The following ATP9A variants were observed in gnomAD, a reference collection of about 807,000 sequenced individuals.
ATP9A encodes probable phospholipid-transporting ATPase IIA.
Under a neutral mutation model 144.1 loss-of-function variants are expected in ATP9A, and 52 were observed. The ratio of observed to expected loss-of-function variants is 0.36; its 90% CI spans 0.29 to 0.45. ATP9A has a LOEUF of 0.45. ATP9A is among the 20% of genes least tolerant of loss of function. ATP9A has a pLI of 1.00. For synonymous variants in ATP9A, 582 were observed against 557.4 expected (o/e 1.04, Z -0.62); for missense variants, 947 against 1,392.7 (o/e 0.68, Z 5.09).
chr20:51,686,471 A>C (rs1163199092), intron 9 of ATP9A, among the ~76,000 whole-genome samples: 1 of 152,178 alleles, frequency 6.6e-6, no homozygotes, highest in East Asian at 1.9e-4. Flanking sequence ...AAAAACTGCA[A>C]AAATATGTAT....
chr20:51,658,898 G>GGGGGC (rs2077399861), intron 13 of ATP9A, among the ~76,000 whole-genome samples: 1 of 133,570 alleles, frequency 7.5e-6, no homozygotes, highest in Non-Finnish European at 1.6e-5. Flanking sequence ...CGGGGGGGGG[G>GGGGGC]GGGGGAAGGC....
chr20:51,713,189 G>T, intron 3 of ATP9A, 115 bp from the exon 4 acceptor site: 1 of 860,980 alleles, frequency 1.2e-6, no homozygotes, highest in Non-Finnish European at 1.9e-6. Flanking sequence ...GAGGGCAGGG[G>T]GGCAGGACCT....
At position 51,604,847 on chromosome 20, in the gene ATP9A, C is replaced by T. The variant is rs754872076; in HGVS notation, c.2977G>A (p.Ala993Thr). Residue 993 changes from alanine to threonine, a missense_variant, in exon 27 of 28, where the codon GCC becomes ACC. Physicochemically the swap from Ala to Thr is moderately conservative, Grantham distance 58 (BLOSUM62 0). This residue lies in a region of ATP9A where 177 missense variants were observed against 344.9 expected (regional missense o/e 0.51). Transcript: ENST00000338821. ...AACTCGTGTAAGAACACCAGGGAGG[C>T]GATGTAGCAGGCCAGGCTGAGCAGC... ...AELLSLACYI[A>T]SLVFLHEFID... 2 of 1,544,230 alleles carry T rather than the reference C, an allele frequency of 1.3e-6. No individual in the cohort carries two copies. Among genetic ancestry groups the T allele is most frequent in the Non-Finnish European group, 1.7e-6 (2 of 1,143,330 alleles).
At chr20:51,623,522 T>C (rs1252855134) in intron 18 of ATP9A, among the ~76,000 whole-genome samples, 1 of 152,122 alleles carries the variant, frequency 6.6e-6, no homozygotes, top group Admixed American at 6.5e-5. Flanking sequence ...GGCTTACGCC[T>C]ATAATCCCAA....
chr20:51,713,184 CA>C, intron 3 of ATP9A, 110 bp from the exon 4 acceptor site: 1 of 882,324 alleles, frequency 1.1e-6, no homozygotes, highest in South Asian at 1.4e-5. Flanking sequence ...CTTGGGAGGG[CA>C]GGGGGGCAGG....
intron 1 of ATP9A, among the ~76,000 whole-genome samples, chr20:51,763,344 G>A (rs918040591): frequency 5.6e-5 from 8 of 143,962 alleles, no homozygotes; most frequent in Admixed American, 1.4e-4. Flanking sequence ...ATGGAGTCTC[G>A]CTGTGTCGCC....
chr20:51,705,797 C>A (rs773241437), intron 4 of ATP9A, among the ~76,000 whole-genome samples: 2 of 152,172 alleles, frequency 1.3e-5, no homozygotes, highest in Non-Finnish European at 2.9e-5. Flanking sequence ...AATTCCTTCA[C>A]TAATTATTCT....
chr20:51,656,471 C>T (rs1337535997), intron 14 of ATP9A, among the ~76,000 whole-genome samples: 6 of 151,878 alleles, frequency 4.0e-5, no homozygotes, highest in African/African-American at 1.5e-4. Flanking sequence ...GAGAATCGCT[C>T]GAACCCCAGA....
chr20:51,605,095 CTTTCCGCAGT>C (rs1955890622), intron 26 of ATP9A, 75 bp from the exon 27 acceptor site: 1 of 1,322,756 alleles, frequency 7.6e-7, no homozygotes, highest in Admixed American at 3.0e-5. Flanking sequence ...CACCTGGCTC[CTTTCCGCAGT>C]TTTCATTTAG....
chr20:51,734,164 T>G (rs1234474820), intron 1 of ATP9A, among the ~76,000 whole-genome samples: 1 of 151,806 alleles, frequency 6.6e-6, no homozygotes, highest in African/African-American at 2.4e-5. Flanking sequence ...ATTTTTTTTT[T>G]GTAGAGATGG....
chr20:51,687,941 T>C (rs12481611), intron 9 of ATP9A, among the ~76,000 whole-genome samples: 29,895 of 152,032 alleles, frequency 0.2, 3,229 homozygotes, highest in African/African-American at 0.28. Flanking sequence ...ATACTAACTA[T>C]ACTATTAAGT....
chr20:51,709,503 C>T (rs997974642), intron 4 of ATP9A, among the ~76,000 whole-genome samples: 4 of 151,332 alleles, frequency 2.6e-5, no homozygotes, highest in Non-Finnish European at 4.4e-5. Context: ...CGAGGGGGTT[C>T]GGTGGGGAAG....
intron 3 of ATP9A, 132 bp downstream of exon 3, chr20:51,725,687 A>G (rs1443603593): frequency 3.2e-6 from 2 of 631,518 alleles, no homozygotes; most frequent in South Asian, 2.1e-5. Flanking sequence ...GAGACTCCCA[A>G]TGTATTGGCC....
intron 9 of ATP9A, among the ~76,000 whole-genome samples, chr20:51,683,644 G>A (rs548798485): frequency 3.3e-5 from 5 of 152,010 alleles, no homozygotes; most frequent in South Asian, 4.2e-4. Context: ...TCAAACTCCT[G>A]GACTCAAGCA....
intron 24 of ATP9A, among the ~76,000 whole-genome samples, chr20:51,609,157 G>A (rs925980517): frequency 4.6e-5 from 7 of 151,952 alleles, no homozygotes; most frequent in Non-Finnish European, 1.0e-4. Context: ...TGAGGGCGAC[G>A]GAAGAGGAAA....
chr20:51,661,708 ATAACCC>A (rs2077411519), intron 13 of ATP9A, among the ~76,000 whole-genome samples: 1 of 152,008 alleles, frequency 6.6e-6, no homozygotes, highest in African/African-American at 2.4e-5. Flanking sequence ...TTCTGTTATG[ATAACCC>A]TAACTAACCT....
At chr20:51,613,963 A>G in intron 22 of ATP9A, 131 bp from the exon 23 acceptor site, 2 of 938,784 alleles carry the variant, frequency 2.1e-6, no homozygotes, top group Non-Finnish European at 3.1e-6. Context: ...TTTGGTTTCA[A>G]GCTATATGCA....
intron 17 of ATP9A, among the ~76,000 whole-genome samples, chr20:51,625,867 T>C (rs1411730449): frequency 1.3e-5 from 2 of 152,238 alleles, no homozygotes; most frequent in African/African-American, 4.8e-5. Context: ...AGTCATCTAA[T>C]GGGCCCGCTT....
intron 13 of ATP9A, among the ~76,000 whole-genome samples, chr20:51,666,063 C>G (rs2077431582): frequency 6.6e-6 from 1 of 152,142 alleles, no homozygotes; most frequent in South Asian, 2.1e-4. Flanking sequence ...CTGTCTGATA[C>G]ATGGAGTGAG....
Sources: gnomAD v4.1 joint callset for allele counts (sites outside exome capture counted in the v4.1 genomes callset) on GRCh38, gnomAD v4.1.1 for gene constraint, gnomAD v4.1.1 regional missense constraint, MANE v1.5 for transcripts, NCBI Gene and HGNC (gene_info 2026-07-23, HGNC 2026-07-21) for gene names.